Variants in ATG7 observed in about 807,000 individuals in gnomAD.
ATG7 encodes the protein ubiquitin-like modifier-activating enzyme ATG7.
In ATG7, 70 loss-of-function variants were observed where a neutral mutation model predicts 82.4. That is an observed-to-expected ratio of 0.85 (90% CI 0.70 to 1.04). The LOEUF (loss-of-function observed/expected upper bound fraction) is 1.04, where lower values mean the gene tolerates loss of function less well. Ranked by LOEUF, ATG7 falls within the 50% of genes least tolerant of loss-of-function variation. ATG7 has a pLI of 0.00. For missense variants in ATG7, 792 were observed against 864.3 expected, an observed-to-expected ratio of 0.92 and a Z score of 1.05; for synonymous variants, 287 against 313.0, an observed-to-expected ratio of 0.92 and a Z score of 0.88.
intron 19 of ATG7, among the ~76,000 whole-genome samples, chr3:11,424,850 T>C (rs1162593955): frequency 6.6e-6 from 1 of 152,232 alleles, no homozygotes; most frequent in Non-Finnish European, 1.5e-5. Context: ...TCCACTCTTT[T>C]TGAACACAAA....
chr3:11,417,391 C>T (rs1255150524), intron 19 of ATG7, among the ~76,000 whole-genome samples: 2 of 152,146 alleles, frequency 1.3e-5, no homozygotes, highest in Non-Finnish European at 2.9e-5. Context: ...CTGTGTCTTA[C>T]TGGAGAATTG....
intron 20 of ATG7, among the ~76,000 whole-genome samples, chr3:11,444,208 C>T (rs1463258818): frequency 2.6e-5 from 4 of 152,248 alleles, no homozygotes; most frequent in Middle Eastern, 3.4e-3. Context: ...TTCTCCTCTA[C>T]GGTAGCATTT....
rs981109190 is a variant in ATG7, at chr3:11,557,282, T to C, written c.*2439T>C. ...AACAGTATAAAGTCAGAGGAATGTA[T>C]ACTGCCTTGGCCCCAGCGTACGAGG... On this transcript the variant is annotated 3_prime_UTR_variant, in exon 21 of 21. Coordinates refer to ENST00000693202, the MANE Select transcript of ATG7 (RefSeq NM_001349232.2). 6.5e-6 allele frequency: 1 copy of C among 152,834 alleles called. No individual in the cohort carries two copies. The highest frequency in any genetic ancestry group is 1.5e-5 in the Non-Finnish European group (1 of 68,054). 9.5% of individuals were successfully genotyped at this position (152,834 alleles called of 1,614,324 possible).
At chr3:11,385,509 A>G (rs568271131) in intron 19 of ATG7, among the ~76,000 whole-genome samples, 2 of 152,370 alleles carry the variant, frequency 1.3e-5, no homozygotes, top group African/African-American at 4.8e-5. Flanking sequence ...CCAGAGATAC[A>G]AAGATGATTA....
At chr3:11,471,741 A>ATTTCT (rs1553685496) in intron 20 of ATG7, among the ~76,000 whole-genome samples, 2 of 30,404 alleles carry the variant, frequency 6.6e-5, no homozygotes, top group African/African-American at 1.7e-4. Flanking sequence ...GGCTTTTTAG[A>ATTTCT]TTTCTTTTTT....
chr3:11,544,622 C>A (rs1468054241), intron 20 of ATG7, among the ~76,000 whole-genome samples: 1 of 152,212 alleles, frequency 6.6e-6, no homozygotes, highest in Admixed American at 6.5e-5. Context: ...TGCTTGCCCC[C>A]GCCCACCCCT....
At chr3:11,467,783 C>T (rs2086989934) in intron 20 of ATG7, among the ~76,000 whole-genome samples, 2 of 152,094 alleles carry the variant, frequency 1.3e-5, no homozygotes, top group South Asian at 4.1e-4. Context: ...AAATATAATC[C>T]CCATAAAGGC....
intron 18 of ATG7, among the ~76,000 whole-genome samples, chr3:11,369,413 T>C (rs1051984988): frequency 6.6e-6 from 1 of 151,068 alleles, no homozygotes; most frequent in South Asian, 2.1e-4. Context: ...GTTCATCTTA[T>C]TTCCCTCCCT....
downstream of ATG7, among the ~76,000 whole-genome samples, chr3:11,561,800 G>A (rs1039344168): frequency 6.6e-6 from 1 of 151,544 alleles, no homozygotes; most frequent in African/African-American, 2.4e-5. Context: ...CCACCCACCT[G>A]TGACTGTCCT....
At chr3:11,570,694 A>C in the ATG7 span, among the ~76,000 whole-genome samples, 20 of 152,330 alleles carry the variant, frequency 1.3e-4, no homozygotes, top group East Asian at 3.9e-3. Flanking sequence ...TTTTTCTGAA[A>C]AAGCAAAATT....
intron 20 of ATG7, among the ~76,000 whole-genome samples, chr3:11,502,776 A>T (rs112696639): frequency 6.6e-6 from 1 of 152,086 alleles, no homozygotes; most frequent in African/African-American, 2.4e-5. Context: ...GATGCATCTG[A>T]AAGTGTGAAG....
chr3:11,320,285 T>G (rs1385370294), intron 9 of ATG7, among the ~76,000 whole-genome samples: 1 of 150,784 alleles, frequency 6.6e-6, no homozygotes, highest in Non-Finnish European at 1.5e-5. Flanking sequence ...TGTGCATCCC[T>G]TCTTCTTTTT....
At chr3:11,340,829 C>A in intron 12 of ATG7, 94 bp downstream of exon 12, 1 of 1,118,218 alleles carries the variant, frequency 8.9e-7, no homozygotes, top group Non-Finnish European at 1.3e-6. Flanking sequence ...TGTAATTCAG[C>A]CCAGGGGGTG....
intron 5 of ATG7, among the ~76,000 whole-genome samples, chr3:11,301,757 G>A (rs1386493607): frequency 1.3e-5 from 2 of 152,232 alleles, no homozygotes; most frequent in Admixed American, 1.3e-4. Context: ...AAGATGGTAC[G>A]GGGGAGCATC....
At chr3:11,480,775 A>G (rs2088867405) in intron 20 of ATG7, among the ~76,000 whole-genome samples, 2 of 152,198 alleles carry the variant, frequency 1.3e-5, no homozygotes, top group Non-Finnish European at 2.9e-5. Flanking sequence ...AAATCTGTCA[A>G]GGAAGGCTTT....
At chr3:11,445,018 C>G in intron 20 of ATG7, among the ~76,000 whole-genome samples, 1 of 152,282 alleles carries the variant, frequency 6.6e-6, no homozygotes, top group South Asian at 2.1e-4. Context: ...ACATCTCACA[C>G]CAGTCAGAAC....
In ATG7 at chr3:11,347,854, C is replaced by T. The variant is rs1215457942; in HGVS notation, c.1126-23C>T. ...TGTGAAATGTTCATCAGAAACACAC[C>T]ATGATCTCCTGTTTCCACACAGGGT... On this transcript the variant is annotated intron_variant, in intron 13 of 20. Coordinates refer to ENST00000693202, the MANE Select transcript of ATG7 (RefSeq NM_001349232.2). 7.5e-6 allele frequency: 12 copies of T among 1,605,416 alleles called. No individual in the cohort carries two copies. In the East Asian group the frequency reaches 2.5e-4, roughly 33 times the overall value.
At chr3:11,299,300 T>A in intron 4 of ATG7, 62 bp from the exon 5 acceptor site, 4 of 1,506,914 alleles carry the variant, frequency 2.7e-6, no homozygotes, top group Non-Finnish European at 3.7e-6. Context: ...TCATAAGCAT[T>A]TTTGTTATGA....
At chr3:11,503,020 A>C (rs1352543773) in intron 20 of ATG7, among the ~76,000 whole-genome samples, 2 of 152,220 alleles carry the variant, frequency 1.3e-5, no homozygotes, top group Admixed American at 6.5e-5. Context: ...GAATGTTTAC[A>C]TACCAGATAC....
Sources: gnomAD v4.1 joint callset for allele counts (sites outside exome capture counted in the v4.1 genomes callset) on GRCh38, gnomAD v4.1.1 for gene constraint, MANE v1.5 for transcripts, NCBI Gene and HGNC (gene_info 2026-07-23, HGNC 2026-07-21) for gene names.